Variants in KIZ observed in about 807,000 individuals in gnomAD.
KIZ encodes the protein centrosomal protein kizuna.
In KIZ, 68 loss-of-function variants were observed where a neutral mutation model predicts 79.6. That is an observed-to-expected ratio of 0.85 (90% CI 0.70 to 1.05). The LOEUF (loss-of-function observed/expected upper bound fraction) is 1.05, where lower values mean the gene tolerates loss of function less well. Among genes scored for constraint, KIZ ranks in the 50% least tolerant of loss-of-function variants. KIZ has a pLI of 0.00. For synonymous variants in KIZ, 280 were observed against 281.8 expected (o/e 0.99, Z 0.06); for missense variants, 797 against 800.4 (o/e 1.00, Z 0.05).
intron 6 of KIZ, among the ~76,000 whole-genome samples, chr20:21,183,687 A>G (rs1411729078): frequency 6.6e-6 from 1 of 151,634 alleles, no homozygotes; most frequent in Non-Finnish European, 1.5e-5. Context: ...ACAGTAAATT[A>G]CAGGATTTTT....
rs768964088 is a variant in KIZ, at chr20:21,246,552, T to C, written c.1998T>C (p.Asp666=). The part of the protein sequence containing the change: ...AALRPRNHNT[D]DSDDFYD ...TACGCCCCAGAAACCATAACACCGA[T>C]GATTCTGATGATTTTTATGACTAAC... is the stretch of plus-strand genomic sequence containing the variant. Residue 666 remains aspartate (D), a synonymous_variant, in exon 13 of 13, where the codon GAT becomes GAC. Transcript: ENST00000619189. 1.7e-5 allele frequency: 27 copies of C among 1,606,934 alleles called. No homozygotes were observed. The highest frequency in any genetic ancestry group is 2.3e-5 in the Non-Finnish European group (27 of 1,173,996).
At chr20:21,145,357 T>A (rs2032793786) in intron 3 of KIZ, among the ~76,000 whole-genome samples, 2 of 152,148 alleles carry the variant, frequency 1.3e-5, no homozygotes, top group Admixed American at 1.3e-4. Flanking sequence ...TCTTATTTTA[T>A]TTAAAAATTG....
intron 6 of KIZ, among the ~76,000 whole-genome samples, chr20:21,168,126 T>C (rs1026801231): frequency 3.3e-5 from 5 of 152,168 alleles, no homozygotes; most frequent in Non-Finnish European, 7.3e-5. Flanking sequence ...TGTGTCCATG[T>C]GTTCTCATTG....
chr20:21,145,615 G>A lies in KIZ; in HGVS notation c.366G>A (p.Leu122=), dbSNP rs1214839401. 1 of 1,529,086 alleles carries A rather than the reference G, an allele frequency of 6.5e-7. No individual in the cohort carries two copies. The highest frequency in any genetic ancestry group is 8.8e-7 in the Non-Finnish European group (1 of 1,131,148). The allele number at this position is 1,529,086 out of a possible 1,614,324, so 94.7% of individuals were successfully genotyped here. A position where few individuals can be genotyped will look rare whatever the true frequency, so the allele number is the denominator to read the frequency against. ...IKKMLCSKDS[L]GLKEELTDED... Reference sequence around the variant, plus strand: ...AGATGCTATGCTCAAAAGATAGCCTGGGACTAAAAGAGGAACTGACAGATG... The same window carrying A: ...AGATGCTATGCTCAAAAGATAGCCTAGGACTAAAAGAGGAACTGACAGATG... Residue 122 remains leucine (L), a synonymous_variant, in exon 4 of 13, where the codon CTG becomes CTA. Coordinates refer to ENST00000619189, the MANE Select transcript of KIZ (RefSeq NM_018474.6).
intron 6 of KIZ, among the ~76,000 whole-genome samples, chr20:21,204,845 C>T (rs112852211): frequency 0.015 from 2,220 of 152,238 alleles, 49 homozygotes; most frequent in African/African-American, 0.05. Flanking sequence ...AAGAGTGTAA[C>T]AAAACAACAA....
intron 6 of KIZ, among the ~76,000 whole-genome samples, chr20:21,178,845 TTTCA>T: frequency 1.3e-5 from 2 of 152,174 alleles, no homozygotes; most frequent in Non-Finnish European, 2.9e-5. Context: ...GATTTTTATC[TTTCA>T]TTCTGTTACT....
At chr20:21,150,066 T>C (rs13041255) in intron 4 of KIZ, among the ~76,000 whole-genome samples, 85,986 of 152,030 alleles carry the variant, frequency 0.57, 26,297 homozygotes, top group South Asian at 0.78. Context: ...TGGATGACTG[T>C]GTAGGGCATG....
chr20:21,212,438 A>G (rs1211907999), intron 7 of KIZ, among the ~76,000 whole-genome samples: 1 of 152,236 alleles, frequency 6.6e-6, no homozygotes, highest in Non-Finnish European at 1.5e-5. Context: ...GTGAAAATCA[A>G]CATTTTATTA....
intron 6 of KIZ, among the ~76,000 whole-genome samples, chr20:21,179,506 T>C (rs149096358): frequency 2.8e-3 from 419 of 152,058 alleles, no homozygotes; most frequent in Non-Finnish European, 4.7e-3. Context: ...TTGTCAATTT[T>C]GTTTATTTTT....
At chr20:21,157,912 A>C (rs941879937) in intron 4 of KIZ, among the ~76,000 whole-genome samples, 4 of 152,130 alleles carry the variant, frequency 2.6e-5, no homozygotes, top group Non-Finnish European at 5.9e-5. Flanking sequence ...TGAAAAATTA[A>C]AGGCTTCTCA....
intron 6 of KIZ, among the ~76,000 whole-genome samples, chr20:21,165,531 G>T (rs1037636145): frequency 6.6e-6 from 1 of 152,224 alleles, no homozygotes; most frequent in East Asian, 1.9e-4. Context: ...GAGAAGGACA[G>T]TGTGATGAGG....
chr20:21,244,341 C>A, intron 12 of KIZ, 53 bp downstream of exon 12: 1 of 1,271,250 alleles, frequency 7.9e-7, no homozygotes, highest in Non-Finnish European at 1.1e-6. Context: ...AACCAAAAAA[C>A]TCTGTGACAT....
chr20:21,205,492 C>CA lies in KIZ; in HGVS notation c.1354_1355insA (p.Pro452HisfsTer25). On this transcript the variant is annotated frameshift_variant and splice_region_variant, in exon 7 of 13. Transcript: ENST00000619189. LOFTEE classifies it high-confidence loss of function. ...GAGTGTCCTGTTTCTGTTTTATAGA[C>CA]CTGGACAAACACCAGACTCAGACGT... 7.0e-7 allele frequency: 1 copy of CA among 1,429,292 alleles called. No homozygotes were observed. Among genetic ancestry groups the CA allele is most frequent in the South Asian group, 1.2e-5 (1 of 81,326 alleles). The allele number at this position is 1,429,292 out of a possible 1,614,324, so 88.5% of individuals were successfully genotyped here.
intron 9 of KIZ, among the ~76,000 whole-genome samples, chr20:21,227,299 G>C (rs946870880): frequency 2.6e-5 from 4 of 152,168 alleles, no homozygotes; most frequent in Non-Finnish European, 4.4e-5. Flanking sequence ...TCTCACTGGA[G>C]TCAAGTGATT....
chr20:21,194,408 T>TA (rs1304197122), intron 6 of KIZ: 1 of 152,348 alleles, frequency 6.6e-6, no homozygotes. Flanking sequence ...CTAAAATAGT[T>TA]ACAGTGTTTC....
At chr20:21,196,602 T>A (rs954415462) in intron 6 of KIZ, 4 of 152,216 alleles carry the variant, frequency 2.6e-5, no homozygotes, top group Admixed American at 2.0e-4. Flanking sequence ...GAGGTATTCA[T>A]AGGTACTATA....
intron 6 of KIZ, among the ~76,000 whole-genome samples, chr20:21,169,781 G>A (rs1044304769): frequency 1.3e-5 from 2 of 152,108 alleles, no homozygotes; most frequent in African/African-American, 4.8e-5. Flanking sequence ...TCTTTTTAGT[G>A]TCTTGTCTTT....
intron 9 of KIZ, among the ~76,000 whole-genome samples, chr20:21,215,920 C>T (rs1047335371): frequency 6.6e-6 from 1 of 152,174 alleles, no homozygotes; most frequent in African/African-American, 2.4e-5. Context: ...TCAGCACCTG[C>T]GTCTCTGTAA....
intron 6 of KIZ, among the ~76,000 whole-genome samples, chr20:21,191,408 G>A (rs948024440): frequency 3.3e-5 from 5 of 152,212 alleles, no homozygotes; most frequent in Admixed American, 1.3e-4. Flanking sequence ...TAAAGAAATT[G>A]AATGCACTGG....
Sources: allele counts gnomAD v4.1 joint callset (sites outside exome capture counted in the v4.1 genomes callset), GRCh38; gene constraint gnomAD v4.1.1; transcripts MANE v1.5; gene names NCBI Gene and HGNC (gene_info 2026-07-23, HGNC 2026-07-21).